Variants in DISC1 observed in about 807,000 individuals in gnomAD.
DISC1 encodes disrupted in schizophrenia 1 protein.
A neutral mutation model predicts 84.5 loss-of-function variants in DISC1; 57 were observed. The observed-to-expected ratio is 0.67, with a 90% CI of 0.55 to 0.84. DISC1 has a LOEUF of 0.84. Among genes scored for constraint, DISC1 ranks in the 40% least tolerant of loss-of-function variants. DISC1 has a pLI of 0.00. For missense variants in DISC1, 1,000 were observed against 1,057.8 expected (o/e 0.95, Z 0.76); for synonymous variants, 411 against 415.2 (o/e 0.99, Z 0.12).
In DISC1 at chr1:231,694,399, G is replaced by A. The variant is rs199617790; in HGVS notation, c.641G>A (p.Arg214Gln). Reference protein sequence around the residue: ...SAFTSSFSFIRLSLGSAGERG... With the variant: ...SAFTSSFSFIQLSLGSAGERG... ...TTTACCTCAAGCTTTAGCTTTATTCGGCTCTCGCTTGGCTCTGCCGGGGAA... is the reference window on the plus strand; with the variant it reads ...TTTACCTCAAGCTTTAGCTTTATTCAGCTCTCGCTTGGCTCTGCCGGGGAA... Residue 214 changes from arginine (R) to glutamine (Q), a missense_variant, in exon 2 of 13, where the codon CGG becomes CAG. By Grantham distance (43) the Arg-to-Gln change is conservative. Transcript: ENST00000439617. 5.7e-5 allele frequency: 92 copies of A among 1,614,220 alleles called. No homozygotes were observed. In the South Asian group the frequency reaches 7.2e-4, roughly 13 times the overall value.
At chr1:231,803,848 G>T (rs1342775605) in intron 8 of DISC1, among the ~76,000 whole-genome samples, 2 of 151,492 alleles carry the variant, frequency 1.3e-5, no homozygotes, top group South Asian at 4.2e-4. Flanking sequence ...CTCGGGAGGC[G>T]GAGGCAGGAG....
intron 3 of DISC1, among the ~76,000 whole-genome samples, chr1:231,722,151 C>CAAAAA (rs750574790): frequency 4.2e-5 from 2 of 47,690 alleles, no homozygotes; most frequent in Non-Finnish European, 8.8e-5. Context: ...GACTCCATCT[C>CAAAAA]AAAAAAAAAA....
At chr1:231,796,504 T>A (rs1472243289) in intron 7 of DISC1, among the ~76,000 whole-genome samples, 2 of 151,976 alleles carry the variant, frequency 1.3e-5, no homozygotes, top group African/African-American at 4.8e-5. Flanking sequence ...TAAGCCAGAA[T>A]CAGGGATGTG....
Position 232,009,367 on chromosome 1 carries a change from ATAGTT to A in DISC1, c.2307+319_2307+323del. The A allele has an allele frequency of 2.3e-6, 2 of 852,276 alleles. No individual in the cohort carries two copies. The highest frequency in any genetic ancestry group is 1.5e-6 in the Non-Finnish European group (1 of 686,980). The allele number at this position is 852,276 out of a possible 1,614,324, so 52.8% of individuals were successfully genotyped here. A position where few individuals can be genotyped will look rare whatever the true frequency, so the allele number is the denominator to read the frequency against. ...ATACATTATATATGTCATATATAATATAGTTATTATATTCACTATAGATTATATAT... is the reference window on the plus strand; with the variant it reads ...ATACATTATATATGTCATATATAATAATTATATTCACTATAGATTATATAT... On this transcript the variant is annotated intron_variant, in intron 11 of 12. Coordinates refer to ENST00000439617, the MANE Select transcript of DISC1 (RefSeq NM_018662.3). This position sits in a 1 kb window ranked among gnomAD's most constrained non-coding sequence, Gnocchi z 4.6.
chr1:231,640,901 T>G (rs1041990983), intron 1 of DISC1, among the ~76,000 whole-genome samples: 1 of 152,190 alleles, frequency 6.6e-6, no homozygotes, highest in Non-Finnish European at 1.5e-5. Flanking sequence ...CTCTTTGGAG[T>G]GCTGACTAGT....
intron 8 of DISC1, among the ~76,000 whole-genome samples, chr1:231,809,381 T>C (rs889789998): frequency 1.3e-5 from 2 of 151,002 alleles, no homozygotes; most frequent in African/African-American, 4.9e-5. Context: ...CCATCTTTGG[T>C]CTCACCTCAG....
At chr1:231,838,687 A>G (rs2082804403) in intron 9 of DISC1, among the ~76,000 whole-genome samples, 1 of 152,236 alleles carries the variant, frequency 6.6e-6, no homozygotes, top group Non-Finnish European at 1.5e-5. Flanking sequence ...GAGAGTCTAT[A>G]TCAAGAGTTA....
chr1:231,819,106 A>G (rs2081299841), intron 9 of DISC1: 2 of 986,202 alleles, frequency 2.0e-6, no homozygotes, highest in Non-Finnish European at 2.4e-6. Context: ...ATTTGCACCC[A>G]GAGGGATGGT....
intron 3 of DISC1, among the ~76,000 whole-genome samples, chr1:231,748,996 G>C (rs376157231): frequency 1.9e-4 from 29 of 152,176 alleles, no homozygotes; most frequent in African/African-American, 6.0e-4. Flanking sequence ...GTCAATAGGA[G>C]TTGATGAGGT....
In DISC1 at chr1:232,012,629, C is replaced by A. The variant is rs191211565; in HGVS notation, c.2307+3580C>A. Reference sequence around the variant, plus strand: ...TCAATTTCTTTTTGACCCAAATCTTCCATGAAAAATTACTGACTTCTTATA... The same window carrying A: ...TCAATTTCTTTTTGACCCAAATCTTACATGAAAAATTACTGACTTCTTATA... On this transcript the variant is annotated intron_variant, in intron 11 of 12. Coordinates refer to ENST00000439617, the MANE Select transcript of DISC1 (RefSeq NM_018662.3). 2.6e-4 allele frequency among the ~76,000 whole-genome samples: 39 copies of A among 152,310 alleles called. 1 individual carries two copies. In the East Asian group the frequency reaches 5.8e-3, roughly 23 times the overall value.
At chr1:231,814,767 C>T (rs1024549903) in intron 8 of DISC1, among the ~76,000 whole-genome samples, 1 of 152,098 alleles carries the variant, frequency 6.6e-6, no homozygotes, top group Admixed American at 6.5e-5. Context: ...TTTCAGGCAA[C>T]AGCCAGTACG....
intron 1 of DISC1, among the ~76,000 whole-genome samples, chr1:231,642,032 A>G (rs949905081): frequency 2.0e-5 from 3 of 152,200 alleles, no homozygotes; most frequent in Admixed American, 6.5e-5. Flanking sequence ...CGGGCTGCAC[A>G]GGAGCCCACG....
chr1:231,901,713 T>G lies in DISC1; in HGVS notation c.1982-57115T>G, dbSNP rs75265647. On this transcript the variant is annotated intron_variant, in intron 9 of 12. Coordinates refer to ENST00000439617, the MANE Select transcript of DISC1 (RefSeq NM_018662.3). ...ATTTTTTCTTGTTCACTGGCACATTTACTTTCCAAACTGTACTTTATTATT... is the reference window on the plus strand; with the variant it reads ...ATTTTTTCTTGTTCACTGGCACATTGACTTTCCAAACTGTACTTTATTATT... Among the ~76,000 whole-genome samples, 1,305 of 152,366 alleles carry G rather than the reference T, an allele frequency of 8.6e-3. 25 individuals carry two copies. The highest frequency in any genetic ancestry group is 0.03 in the African/African-American group (1,243 of 41,578).
rs190905409 is a variant in DISC1 at position 231,918,132 on chromosome 1, A to G, written c.1982-40696A>G. ...GCCCCTTAGTTAGAAGGCCGCAGGG[A>G]CTGTGGTGTTTTAGGTTGTGCCGGC... On this transcript the variant is annotated intron_variant, in intron 9 of 12. Coordinates refer to ENST00000439617, the MANE Select transcript of DISC1 (RefSeq NM_018662.3). Among the ~76,000 whole-genome samples the G allele has an allele frequency of 1.6e-3, 237 of 152,284 alleles. 3 individuals carry two copies. Among genetic ancestry groups the G allele is most frequent in the Admixed American group, 9.2e-3 (140 of 15,296 alleles).
intron 9 of DISC1, chr1:231,866,781 A>C: frequency 8.5e-7 from 1 of 1,181,854 alleles, no homozygotes; most frequent in African/African-American, 1.5e-5. Flanking sequence ...GAAAGGGTAT[A>C]ATTAATCTGT....
chr1:231,874,076 A>C (rs1404939098), intron 9 of DISC1, among the ~76,000 whole-genome samples: 2 of 150,662 alleles, frequency 1.3e-5, no homozygotes, highest in African/African-American at 4.9e-5. Context: ...TTGAACTCCT[A>C]ACCTTAGGTG....
chr1:231,878,313 G>A (rs927514582), intron 9 of DISC1, among the ~76,000 whole-genome samples: 8 of 152,164 alleles, frequency 5.3e-5, no homozygotes, highest in Non-Finnish European at 1.0e-4. Flanking sequence ...GACCAGGCTA[G>A]GGGCAGGGCA....
intron 1 of DISC1, among the ~76,000 whole-genome samples, chr1:231,631,713 G>A (rs1297903699): frequency 1.3e-5 from 2 of 151,406 alleles, no homozygotes; most frequent in African/African-American, 2.4e-5. Context: ...TGTGTTTTAA[G>A]CTGTGTTTTT....
At chr1:231,645,014 G>T (rs2125224652) in intron 1 of DISC1, among the ~76,000 whole-genome samples, 1 of 151,964 alleles carries the variant, frequency 6.6e-6, no homozygotes, top group African/African-American at 2.4e-5. Context: ...GCCTCTTTCT[G>T]TTCACTGTGG....
Sources: gnomAD v4.1 joint callset for allele counts (sites outside exome capture counted in the v4.1 genomes callset) on GRCh38, gnomAD v4.1.1 for gene constraint, Gnocchi (gnomAD v3.1) non-coding constraint, MANE v1.5 for transcripts, NCBI Gene and HGNC (gene_info 2026-07-23, HGNC 2026-07-21) for gene names.